The following PREX1 variants were observed in gnomAD, a reference collection of about 807,000 sequenced individuals.
PREX1 encodes the protein phosphatidylinositol-3,4,5-trisphosphate dependent Rac exchange factor 1.
In PREX1, 41 loss-of-function variants were observed where a neutral mutation model predicts 198.3. The ratio of observed to expected loss-of-function variants is 0.21; its 90% CI spans 0.16 to 0.27. The LOEUF is 0.27. Among genes scored for constraint, PREX1 ranks in the 10% least tolerant of loss-of-function variants. The pLI is 1.00. For synonymous variants in PREX1, 843 were observed against 887.2 expected (o/e 0.95, Z 0.89); for missense variants, 1,620 against 2,200.7 (o/e 0.74, Z 5.28).
In PREX1 at chr20:48,630,787, A is replaced by T. The variant is rs138500849; in HGVS notation, c.4534T>A (p.Tyr1512Asn). 3,338 of 1,581,176 alleles carry T rather than the reference A, an allele frequency of 2.1e-3. 5 individuals carry two copies. Among genetic ancestry groups the T allele is most frequent in the Non-Finnish European group, 2.7e-3 (3,058 of 1,150,344 alleles). The change falls in exon 36 of 40, where the codon TAC becomes AAC. Residue 1512 changes from tyrosine to asparagine, a missense_variant. Physicochemically the swap from Tyr to Asn is moderately radical, Grantham distance 143. Transcript: ENST00000371941. Reference protein sequence around the residue: ...QQYYRKLRAFYLERSNLPTDA... With the variant: ...QQYYRKLRAFNLERSNLPTDA... Reference sequence around the variant, plus strand: ...GTGGGCAGGTTAGACCGCTCCAGGTAAAATGCCCTGCGAGAGAAAGATGGG... The same window carrying T: ...GTGGGCAGGTTAGACCGCTCCAGGTTAAATGCCCTGCGAGAGAAAGATGGG...
At chr20:48,659,648 A>T (rs2122935434) in intron 16 of PREX1, among the ~76,000 whole-genome samples, 1 of 152,140 alleles carries the variant, frequency 6.6e-6, no homozygotes, top group East Asian at 1.9e-4. Flanking sequence ...TCAGGAGGCC[A>T]ACCTCTCTAT....
the PREX1 span, among the ~76,000 whole-genome samples, chr20:48,861,373 C>T: frequency 5.9e-5 from 9 of 152,304 alleles, no homozygotes; most frequent in South Asian, 1.2e-3. Context: ...ATGTCTTGTT[C>T]GGCCATCACA....
chr20:48,760,263 A>G (rs557314370), intron 1 of PREX1, among the ~76,000 whole-genome samples: 94 of 152,218 alleles, frequency 6.2e-4, no homozygotes, highest in African/African-American at 2.2e-3. Context: ...GGGCTTCTAC[A>G]TGCACCAAGC....
chr20:48,631,179 T>C lies in PREX1; in HGVS notation c.4527-385A>G, dbSNP rs1436819136. On this transcript the variant is annotated intron_variant, in intron 35 of 39. Transcript: ENST00000371941. The stretch of plus-strand genomic sequence containing the variant: ...TCCAGAACAGGGGTCAGCGAACTTC[T>C]TCTGTGAAGAGCCCAACGGTAAACA... Among the ~76,000 whole-genome samples the C allele has an allele frequency of 3.3e-5, 5 of 152,250 alleles. No individual in the cohort carries two copies. In the South Asian group the frequency reaches 1.0e-3, roughly 31 times the overall value.
rs567636702 is a variant in PREX1 at position 48,679,102 on chromosome 20, G to T, written c.1589+258C>A. Among the ~76,000 whole-genome samples the T allele has an allele frequency of 1.2e-4, 18 of 152,338 alleles. No homozygotes were observed. The South Asian group carries it at 3.7e-3, about 32-fold the overall frequency. On this transcript the variant is annotated intron_variant, in intron 13 of 39. Coordinates refer to ENST00000371941, the MANE Select transcript of PREX1 (RefSeq NM_020820.4). ...GAGAGGTTAAGTAACTCTGCCCAAG[G>T]TCACACAGCTGCTAACTAGGAGGGA...
intron 18 of PREX1, chr20:48,656,506 T>C (rs1442216734): frequency 2.2e-6 from 1 of 456,710 alleles, no homozygotes; most frequent in Non-Finnish European, 4.4e-6. Context: ...TTCCTTCTGC[T>C]CTTCCAATGC....
chr20:48,792,421 G>C (rs929774327), intron 1 of PREX1, among the ~76,000 whole-genome samples: 12 of 152,084 alleles, frequency 7.9e-5, no homozygotes, highest in African/African-American at 2.9e-4. Context: ...TGTGAGCCAA[G>C]ATCGCGCCAC....
chr20:48,842,249 T>G, the PREX1 span, among the ~76,000 whole-genome samples: 2 of 152,202 alleles, frequency 1.3e-5, no homozygotes, highest in Non-Finnish European at 2.9e-5. Context: ...GCCACAGACT[T>G]ATACTTTCTC....
intron 4 of PREX1, among the ~76,000 whole-genome samples, chr20:48,731,767 C>T (rs1007760867): frequency 1.3e-5 from 2 of 152,216 alleles, no homozygotes; most frequent in Admixed American, 6.5e-5. Context: ...TGGCACCCCA[C>T]GCATCCTCCC....
At chr20:48,828,485 C>T (rs1329432697), upstream of PREX1, among the ~76,000 whole-genome samples, 7 of 152,160 alleles carry the variant, frequency 4.6e-5, no homozygotes, top group Admixed American at 4.6e-4. Context: ...CCAGCCCCGC[C>T]ACGCGCGCCT....
chr20:48,685,368 C>T (rs2089778062), intron 10 of PREX1, among the ~76,000 whole-genome samples: 1 of 152,200 alleles, frequency 6.6e-6, no homozygotes, highest in Admixed American at 6.5e-5. Flanking sequence ...CTGAGTAGGG[C>T]AGAAAGAGGC....
chr20:48,868,434 C>T, the PREX1 span, among the ~76,000 whole-genome samples: 2 of 152,090 alleles, frequency 1.3e-5, no homozygotes, highest in Admixed American at 1.3e-4. Flanking sequence ...TCTCCTGCCT[C>T]AGCCTCCAAA....
intron 1 of PREX1, among the ~76,000 whole-genome samples, chr20:48,773,753 T>C (rs766042266): frequency 2.6e-5 from 4 of 152,028 alleles, no homozygotes; most frequent in Non-Finnish European, 5.9e-5. Context: ...TGGGCCACAG[T>C]GGGGTCTTCA....
intron 1 of PREX1, among the ~76,000 whole-genome samples, chr20:48,775,411 G>C (rs957470210): frequency 1.3e-5 from 2 of 152,128 alleles, no homozygotes; most frequent in Non-Finnish European, 2.9e-5. Context: ...GATGAGGTAA[G>C]GAGGTAAGCC....
Position 48,827,363 on chromosome 20 carries a change from A to G in PREX1, c.219+279T>C, listed in dbSNP as rs1335400908. On this transcript the variant is annotated intron_variant, in intron 1 of 39. Coordinates refer to ENST00000371941, the MANE Select transcript of PREX1 (RefSeq NM_020820.4). This position sits in a 1 kb window ranked among gnomAD's most constrained non-coding sequence, Gnocchi z 4.1. ...ATGTAACTAATTTTAAAACTATTTGAAAGGCGGGGACGGGGAAGAAAAGAC... is the reference window on the plus strand; with the variant it reads ...ATGTAACTAATTTTAAAACTATTTGGAAGGCGGGGACGGGGAAGAAAAGAC... Among the ~76,000 whole-genome samples, 1 of 152,144 alleles carries G rather than the reference A, an allele frequency of 6.6e-6. No individual in the cohort carries two copies. The highest frequency in any genetic ancestry group is 6.5e-5 in the Admixed American group (1 of 15,286).
intron 1 of PREX1, among the ~76,000 whole-genome samples, chr20:48,760,712 G>A (rs1425965095): frequency 2.0e-5 from 3 of 152,102 alleles, no homozygotes; most frequent in African/African-American, 2.4e-5. Flanking sequence ...AGTCCTCTCC[G>A]AGTACCAACC....
chr20:48,647,195 A>G (rs1330094950), intron 25 of PREX1, among the ~76,000 whole-genome samples: 1 of 151,558 alleles, frequency 6.6e-6, no homozygotes, highest in Non-Finnish European at 1.5e-5. Context: ...ACACCATCAC[A>G]CTCTAGCCTG....
intron 10 of PREX1, among the ~76,000 whole-genome samples, chr20:48,682,051 C>A (rs1322287450): frequency 1.3e-5 from 2 of 152,158 alleles, no homozygotes; most frequent in Non-Finnish European, 2.9e-5. Context: ...TCTTCCCACA[C>A]GGACATAAAC....
In PREX1 at chr20:48,634,848, A is replaced by T. The variant is rs147995516; in HGVS notation, c.4168-73T>A. 681 of 1,352,132 alleles carry T rather than the reference A, an allele frequency of 5.0e-4. 5 individuals carry two copies. The African/African-American group carries it at 9.0e-3, about 18-fold the overall frequency. The allele number at this position is 1,352,132 out of a possible 1,614,324, so 83.8% of individuals were successfully genotyped here. A position where few individuals can be genotyped will look rare whatever the true frequency, so the allele number is the denominator to read the frequency against. ...CCAGGGTTTCCTATCAAGATGCTGA[A>T]TTCAACTCTAGTCGGCACTCCACAC... On this transcript the variant is annotated intron_variant, in intron 32 of 39. Coordinates refer to ENST00000371941, the MANE Select transcript of PREX1 (RefSeq NM_020820.4).
Sources: gnomAD v4.1 joint callset for allele counts (sites outside exome capture counted in the v4.1 genomes callset) on GRCh38, gnomAD v4.1.1 for gene constraint, Gnocchi (gnomAD v3.1) non-coding constraint, MANE v1.5 for transcripts, NCBI Gene and HGNC (gene_info 2026-07-23, HGNC 2026-07-21) for gene names.